MTMR10: variants seen among roughly 807,000 people sequenced by gnomAD.
MTMR10 encodes the protein myotubularin-related protein 10.
A neutral mutation model predicts 88.1 loss-of-function variants in MTMR10; 56 were observed. The observed-to-expected ratio is 0.64, with a 90% CI of 0.51 to 0.79. The LOEUF (loss-of-function observed/expected upper bound fraction) is 0.79. Ranked by LOEUF, MTMR10 falls within the 30% of genes least tolerant of loss-of-function variation. The pLI is 0.00. For missense variants in MTMR10, 883 were observed against 924.7 expected (o/e 0.95, Z 0.58); for synonymous variants, 380 against 340.9 (o/e 1.11, Z -1.26).
intron 2 of MTMR10, among the ~76,000 whole-genome samples, chr15:30,989,458 T>G (rs1161654158): frequency 6.6e-6 from 1 of 152,194 alleles, no homozygotes; most frequent in Non-Finnish European, 1.5e-5. Context: ...ATATTTAAAA[T>G]TTTAAAGTTT....
At chr15:30,984,082 G>A (rs76854638) in intron 2 of MTMR10, among the ~76,000 whole-genome samples, 2,327 of 152,224 alleles carry the variant, frequency 0.015, 19 homozygotes, top group Non-Finnish European at 0.026. Flanking sequence ...CCAAGGAAGC[G>A]GCATGATTGA....
At chr15:30,975,945 G>C (rs889929558) in intron 3 of MTMR10, among the ~76,000 whole-genome samples, 1 of 151,962 alleles carries the variant, frequency 6.6e-6, no homozygotes, top group African/African-American at 2.4e-5. Flanking sequence ...TTAATCAAAT[G>C]AATGCCTGAA....
At chr15:30,950,087 TA>T (rs1467503468) in intron 12 of MTMR10, 1 of 152,192 alleles carries the variant, frequency 6.6e-6, no homozygotes, top group Non-Finnish European at 1.5e-5. Flanking sequence ...TAAACGTATA[TA>T]AAAATGCTAG....
chr15:30,966,660 C>T (rs1047709436), intron 6 of MTMR10, among the ~76,000 whole-genome samples: 5 of 152,060 alleles, frequency 3.3e-5, no homozygotes, highest in Non-Finnish European at 5.9e-5. Context: ...TATTTTTAGA[C>T]AGTAAGTGAA....
chr15:30,954,753 A>G lies in MTMR10; in HGVS notation c.1066+10T>C. On this transcript the variant is annotated intron_variant, in intron 10 of 15. Transcript: ENST00000435680. ...TGTTCATTATATATATGAAATAAGAATGAAATTACCATTAACGCATAGCTG... is the reference window on the plus strand; with the variant it reads ...TGTTCATTATATATATGAAATAAGAGTGAAATTACCATTAACGCATAGCTG... The G allele has an allele frequency of 6.3e-7, 1 of 1,586,196 alleles. No homozygotes were observed. Among genetic ancestry groups the G allele is most frequent in the Non-Finnish European group, 8.6e-7 (1 of 1,169,420 alleles).
the MTMR10 span, among the ~76,000 whole-genome samples, chr15:30,929,726 A>AATATATAATATATTATATC: frequency 2.7e-5 from 1 of 37,354 alleles, no homozygotes; most frequent in Non-Finnish European, 4.7e-5. Flanking sequence ...ATATATATAA[A>AATATATAATATATTATATC]ATATATAATA....
chr15:30,961,180 C>T, intron 6 of MTMR10, 107 bp from the exon 7 acceptor site: 2 of 1,374,238 alleles, frequency 1.5e-6, no homozygotes, highest in East Asian at 5.2e-5. Flanking sequence ...TGTCTCTAAC[C>T]TGCTTCACCT....
the MTMR10 span, among the ~76,000 whole-genome samples, chr15:30,929,971 A>G: frequency 1.6e-5 from 2 of 126,534 alleles, no homozygotes; most frequent in Admixed American, 9.3e-5. Context: ...ATAATATATA[A>G]AATATATAAT....
At chr15:30,978,595 A>C (rs1258155294) in intron 2 of MTMR10, among the ~76,000 whole-genome samples, 1 of 152,244 alleles carries the variant, frequency 6.6e-6, no homozygotes, top group Non-Finnish European at 1.5e-5. Context: ...TTAAAGAGCT[A>C]TAAATAGGAC....
At chr15:30,958,317 G>C (rs932998931) in intron 9 of MTMR10, among the ~76,000 whole-genome samples, 1 of 152,242 alleles carries the variant, frequency 6.6e-6, no homozygotes, top group African/African-American at 2.4e-5. Flanking sequence ...GGAGAGTGGA[G>C]AGGAGCAGAG....
In MTMR10 at chr15:30,947,018, G is replaced by A. The variant is rs181687932; in HGVS notation, c.1548+112C>T. ...TCAGAAATTTCAGCTGAAAATGGCA[G>A]TAAGAATTTTAAATCATAAGATTTT... On this transcript the variant is annotated intron_variant, in intron 14 of 15. Coordinates refer to ENST00000435680, the MANE Select transcript of MTMR10 (RefSeq NM_017762.3). The A allele has an allele frequency of 5.4e-4, 719 of 1,329,584 alleles. 5 individuals carry two copies. In the African/African-American group the frequency reaches 9.2e-3, roughly 17 times the overall value. The allele number at this position is 1,329,584 out of a possible 1,614,324, so 82.4% of individuals were successfully genotyped here. A position where few individuals can be genotyped will look rare whatever the true frequency, so the allele number is the denominator to read the frequency against.
intron 14 of MTMR10, chr15:30,943,313 G>T: frequency 1.0e-6 from 1 of 985,366 alleles, no homozygotes; most frequent in South Asian, 4.7e-5. Flanking sequence ...GGACCCCAAG[G>T]AAGCCGTGCC....
At chr15:30,966,504 A>C (rs538247119) in intron 6 of MTMR10, among the ~76,000 whole-genome samples, 1 of 152,342 alleles carries the variant, frequency 6.6e-6, no homozygotes. Flanking sequence ...CTGTATCATA[A>C]ACAGTTGAGC....
chr15:30,961,034 C>A lies in MTMR10; in HGVS notation c.605G>T (p.Gly202Val). 1.3e-6 allele frequency: 2 copies of A among 1,560,688 alleles called. No homozygotes were observed. Among genetic ancestry groups the A allele is most frequent in the Non-Finnish European group, 1.7e-6 (2 of 1,151,568 alleles). ...AGCTCCATTACCTCCTCCTCCTCCT[C>A]CTCCTCCATCTCCTGAGGGAATTCC... ...INGIPSGDGG[G>V]GGGGGNGAGG... The change falls in exon 7 of 16, where the codon GGA becomes GTA. Residue 202 changes from glycine to valine, a missense_variant. By Grantham distance (109) the Gly-to-Val change is moderately radical. Transcript: ENST00000435680.
chr15:30,964,263 G>C (rs961085526), intron 6 of MTMR10, among the ~76,000 whole-genome samples: 1 of 152,190 alleles, frequency 6.6e-6, no homozygotes, highest in Non-Finnish European at 1.5e-5. Context: ...ACAGTTTGGT[G>C]ACTGAGTCCA....
At position 30,943,171 on chromosome 15, in the gene MTMR10, G is replaced by A. The variant is rs894924187; in HGVS notation, c.1549-99C>T. On this transcript the variant is annotated intron_variant, in intron 14 of 15. Coordinates refer to ENST00000435680, the MANE Select transcript of MTMR10 (RefSeq NM_017762.3). ...CATCATTACACAGGTTAAATGTTCTGTACTGCAGCCCTCAAAACCCACCAG... is the reference window on the plus strand; with the variant it reads ...CATCATTACACAGGTTAAATGTTCTATACTGCAGCCCTCAAAACCCACCAG... 7.6e-6 allele frequency: 11 copies of A among 1,447,930 alleles called. No individual in the cohort carries two copies. The Admixed American group carries it at 8.3e-5, about 11-fold the overall frequency. 89.7% of individuals were successfully genotyped at this position (1,447,930 alleles called of 1,614,324 possible).
the MTMR10 span, chr15:30,927,709 G>C: frequency 4.2e-5 from 41 of 985,504 alleles, no homozygotes; most frequent in South Asian, 6.1e-4. Context: ...GTGGTCTTGT[G>C]GGGAGAGGCA....
chr15:30,958,148 A>G (rs1338092873), intron 9 of MTMR10, among the ~76,000 whole-genome samples: 2 of 152,232 alleles, frequency 1.3e-5, no homozygotes, highest in African/African-American at 4.8e-5. Flanking sequence ...TAGACTGAAG[A>G]TATAAATGTG....
At chr15:30,923,290 C>G in the MTMR10 span, among the ~76,000 whole-genome samples, 1 of 152,172 alleles carries the variant, frequency 6.6e-6, no homozygotes, top group Non-Finnish European at 1.5e-5. Flanking sequence ...TTTACTGAGG[C>G]TGAAATAGCA....
Sources: gnomAD v4.1 joint callset for allele counts (sites outside exome capture counted in the v4.1 genomes callset) on GRCh38, gnomAD v4.1.1 for gene constraint, MANE v1.5 for transcripts, NCBI Gene and HGNC (gene_info 2026-07-23, HGNC 2026-07-21) for gene names.